Variants in CFAP107 observed in about 807,000 individuals in gnomAD.
CFAP107 encodes cilia and flagella associated protein 107, also known as cilia- and flagella-associated protein 107.
the CFAP107 span, among the ~76,000 whole-genome samples, chr1:12,750,893 T>A: frequency 1.4e-4 from 22 of 152,186 alleles, no homozygotes; most frequent in Admixed American, 1.4e-3. Context: ...ATATACCATA[T>A]GTTAGACTAC....
the CFAP107 span, among the ~76,000 whole-genome samples, chr1:12,747,814 T>C: frequency 6.6e-6 from 1 of 152,100 alleles, no homozygotes; most frequent in African/African-American, 2.4e-5. Flanking sequence ...GATGCAGTAC[T>C]CAGGGATATT....
At chr1:12,746,934 C>G in the CFAP107 span, among the ~76,000 whole-genome samples, 1 of 152,056 alleles carries the variant, frequency 6.6e-6, no homozygotes, top group Admixed American at 6.5e-5. Flanking sequence ...AACATTTGCT[C>G]TCCTCATTCT....
At chr1:12,754,515 C>G in the CFAP107 span, among the ~76,000 whole-genome samples, 1 of 152,168 alleles carries the variant, frequency 6.6e-6, no homozygotes, top group Non-Finnish European at 1.5e-5. Flanking sequence ...GGTTGTATGC[C>G]TAAAAGAATC....
the CFAP107 span, among the ~76,000 whole-genome samples, chr1:12,750,727 A>G: frequency 6.6e-6 from 1 of 152,182 alleles, no homozygotes; most frequent in South Asian, 2.1e-4. Flanking sequence ...GAAATAAATG[A>G]AGCAAAAATG....
At chr1:12,747,128 C>G in the CFAP107 span, among the ~76,000 whole-genome samples, 4 of 151,662 alleles carry the variant, frequency 2.6e-5, no homozygotes, top group Non-Finnish European at 5.9e-5. Context: ...AGTGCAGTGG[C>G]ATGATCTCGG....
chr1:12,762,113 G>A, the CFAP107 span: 8 of 152,258 alleles, frequency 5.3e-5, no homozygotes, highest in African/African-American at 1.9e-4. Context: ...ATGGGAGCCT[G>A]AGTCTCTGCC....
chr1:12,759,732 AGAGC>A, the CFAP107 span: 1 of 572,970 alleles, frequency 1.7e-6, no homozygotes, highest in East Asian at 3.1e-5. Context: ...TGGCGGGCTT[AGAGC>A]ACAGGTGGCA....
chr1:12,758,244 C>T, the CFAP107 span, among the ~76,000 whole-genome samples: 13 of 152,194 alleles, frequency 8.5e-5, no homozygotes, highest in African/African-American at 3.1e-4. Flanking sequence ...GTCTCTGTGG[C>T]TGTCACTTTC....
chr1:12,749,227 T>A, the CFAP107 span, among the ~76,000 whole-genome samples: 46 of 152,308 alleles, frequency 3.0e-4, 1 homozygote, highest in African/African-American at 1.1e-3. Flanking sequence ...AAGCACTTTA[T>A]AATTAAGATA....
chr1:12,753,262 A>G, the CFAP107 span: 1 of 152,298 alleles, frequency 6.6e-6, no homozygotes, highest in East Asian at 1.9e-4. Context: ...TGGATGGAAG[A>G]CTTAATATTG....
At chr1:12,757,909 C>CT in the CFAP107 span, among the ~76,000 whole-genome samples, 1 of 152,128 alleles carries the variant, frequency 6.6e-6, no homozygotes, top group Non-Finnish European at 1.5e-5. Flanking sequence ...CAACCGCCTC[C>CT]TTTATCTAAT....
chr1:12,759,473 A>G, the CFAP107 span: 3 of 1,614,052 alleles, frequency 1.9e-6, no homozygotes, highest in Non-Finnish European at 2.5e-6. Flanking sequence ...GAGAAGTCTG[A>G]CTTTCCCCTT....
chr1:12,748,257 A>G, the CFAP107 span, among the ~76,000 whole-genome samples: 9 of 152,134 alleles, frequency 5.9e-5, no homozygotes, highest in East Asian at 1.9e-4. Context: ...GGCATGGTTC[A>G]GATCTCAGCT....
At chr1:12,762,726 T>C in the CFAP107 span, 1 of 152,216 alleles carries the variant, frequency 6.6e-6, no homozygotes, top group Admixed American at 6.6e-5. Flanking sequence ...GGGAGGAGCA[T>C]GAGGTAAATG....
chr1:12,746,238 T>TAA, the CFAP107 span: 5 of 476,820 alleles, frequency 1.0e-5, no homozygotes, highest in Non-Finnish European at 1.9e-5. Context: ...CAACTCTCCC[T>TAA]AAAGGCTGAC....
the CFAP107 span, chr1:12,746,402 G>C: frequency 1.3e-6 from 2 of 1,584,806 alleles, no homozygotes; most frequent in Non-Finnish European, 8.7e-7. Context: ...ACTGCATCAA[G>C]TCAAAGAAAC....
At chr1:12,761,588 G>A in the CFAP107 span, 3 of 150,996 alleles carry the variant, frequency 2.0e-5, no homozygotes, top group Non-Finnish European at 4.4e-5. Flanking sequence ...CCAGGCTGGA[G>A]TGCCGTGGCA....
the CFAP107 span, among the ~76,000 whole-genome samples, chr1:12,747,677 G>T: frequency 1.4e-4 from 21 of 152,138 alleles, no homozygotes; most frequent in Admixed American, 1.4e-3. Context: ...CACCTCTCTG[G>T]CCAGATACAA....
At chr1:12,754,949 A>G in the CFAP107 span, among the ~76,000 whole-genome samples, 1 of 152,244 alleles carries the variant, frequency 6.6e-6, no homozygotes, top group Non-Finnish European at 1.5e-5. Context: ...ATGATTGCAC[A>G]ACAGCGTGAA....
Sources: allele counts gnomAD v4.1 joint callset (sites outside exome capture counted in the v4.1 genomes callset), GRCh38; gene constraint gnomAD v4.1.1; transcripts MANE v1.5; gene names NCBI Gene and HGNC (gene_info 2026-07-23, HGNC 2026-07-21).